RIMS2: variants seen among roughly 807,000 people sequenced by gnomAD.
RIMS2 encodes the protein regulating synaptic membrane exocytosis protein 2.
Under a neutral mutation model 174.4 loss-of-function variants are expected in RIMS2, and 59 were observed. That is an observed-to-expected ratio of 0.34 (90% CI 0.27 to 0.42). The LOEUF is 0.42. Ranked by LOEUF, RIMS2 falls within the 10% of genes least tolerant of loss-of-function variation. The pLI, the probability that RIMS2 is intolerant of heterozygous loss-of-function variation, is 1.00. For missense variants in RIMS2, 1,620 were observed against 1,666.3 expected (o/e 0.97, Z 0.48); for synonymous variants, 606 against 572.5 (o/e 1.06, Z -0.84).
intron 19 of RIMS2, among the ~76,000 whole-genome samples, chr8:104,060,206 C>T (rs2096956056): frequency 1.3e-5 from 2 of 149,520 alleles, no homozygotes; most frequent in East Asian, 2.0e-4. Context: ...GTCCTGGACT[C>T]TTTTTGGTTG....
intron 19 of RIMS2, among the ~76,000 whole-genome samples, chr8:104,129,575 T>C (rs2098458331): frequency 1.3e-5 from 2 of 152,102 alleles, no homozygotes; most frequent in African/African-American, 2.4e-5. Context: ...TGTATTATCA[T>C]AGAAGCAAAA....
In RIMS2 at chr8:103,918,429, T is replaced by A. The variant is rs560095421; in HGVS notation, c.2037-12T>A. On this transcript the variant is annotated splice_polypyrimidine_tract_variant and intron_variant, in intron 8 of 23. Coordinates refer to ENST00000504942, the Ensembl canonical transcript of RIMS2. ...CAGTTTCTGTCTTTCTTTTTTTTTTTAATCATTTCAGAGATATACCGCGAA... is the reference window on the plus strand; with the variant it reads ...CAGTTTCTGTCTTTCTTTTTTTTTTAAATCATTTCAGAGATATACCGCGAA... 78 of 1,511,462 alleles carry A rather than the reference T, an allele frequency of 5.2e-5. No homozygotes were observed. Among genetic ancestry groups the A allele is most frequent in the Admixed American group, 2.2e-4 (10 of 45,816 alleles). The allele number at this position is 1,511,462 out of a possible 1,614,324, so 93.6% of individuals were successfully genotyped here.
intron 2 of RIMS2, among the ~76,000 whole-genome samples, chr8:103,725,601 A>G (rs1332320525): frequency 1.3e-5 from 2 of 151,918 alleles, no homozygotes; most frequent in African/African-American, 2.4e-5. Context: ...ATATGCCACA[A>G]TTTGTTTATC....
At chr8:103,879,205 G>C (rs9650010) in intron 3 of RIMS2, among the ~76,000 whole-genome samples, 24,794 of 151,152 alleles carry the variant, frequency 0.16, 2,155 homozygotes, top group Middle Eastern at 0.26. Flanking sequence ...GAAAGTCTGG[G>C]GTAGATGAAT....
chr8:103,623,327 A>G (rs1326589377), intron 1 of RIMS2, among the ~76,000 whole-genome samples: 1 of 152,120 alleles, frequency 6.6e-6, no homozygotes, highest in African/African-American at 2.4e-5. Context: ...TAAAGTACAG[A>G]ACACATTTTA....
At chr8:104,041,351 A>T (rs961251325) in intron 19 of RIMS2, 2 of 695,730 alleles carry the variant, frequency 2.9e-6, no homozygotes, top group African/African-American at 3.5e-5. Flanking sequence ...CAAGGAGAAG[A>T]TATGCAGGTC....
intron 1 of RIMS2, among the ~76,000 whole-genome samples, chr8:103,599,613 AT>A (rs147252826): frequency 1.5e-4 from 23 of 150,180 alleles, no homozygotes; most frequent in African/African-American, 4.9e-4. Context: ...TAATTAATTA[AT>A]TTTTTTTGTT....
At chr8:103,504,812 A>G (rs901879862) in intron 1 of RIMS2, among the ~76,000 whole-genome samples, 2 of 148,772 alleles carry the variant, frequency 1.3e-5, no homozygotes, top group East Asian at 3.9e-4. Flanking sequence ...TTGAAATAAA[A>G]TCTTTTTTTT....
chr8:103,769,507 G>A (rs1180487668), intron 3 of RIMS2, among the ~76,000 whole-genome samples: 3 of 152,068 alleles, frequency 2.0e-5, no homozygotes, highest in Admixed American at 2.0e-4. Flanking sequence ...TGTATTTTTA[G>A]TAGAGACAGG....
At chr8:103,664,273 A>G (rs1483845166) in intron 1 of RIMS2, among the ~76,000 whole-genome samples, 1 of 152,226 alleles carries the variant, frequency 6.6e-6, no homozygotes, top group Non-Finnish European at 1.5e-5. Flanking sequence ...GCCAAAATAG[A>G]CAAATGGGAT....
intron 19 of RIMS2, among the ~76,000 whole-genome samples, chr8:104,221,925 A>G (rs2099157332): frequency 6.6e-6 from 1 of 151,940 alleles, no homozygotes; most frequent in Non-Finnish European, 1.5e-5. Context: ...ACTCACTCCA[A>G]TTGCCCTGGC....
intron 1 of RIMS2, among the ~76,000 whole-genome samples, chr8:103,589,365 A>G (rs374201063): frequency 6.6e-5 from 10 of 151,826 alleles, no homozygotes; most frequent in African/African-American, 2.4e-4. Context: ...ATGCAAATGA[A>G]AACTATAGTG....
chr8:104,153,142 C>G (rs955348609), intron 19 of RIMS2, among the ~76,000 whole-genome samples: 5 of 152,092 alleles, frequency 3.3e-5, no homozygotes, highest in Non-Finnish European at 7.4e-5. Context: ...AGTTATAACT[C>G]TCTTCTGTCA....
intron 19 of RIMS2, among the ~76,000 whole-genome samples, chr8:104,101,864 C>T (rs2097909870): frequency 6.6e-6 from 1 of 152,112 alleles, no homozygotes; most frequent in African/African-American, 2.4e-5. Context: ...CATTGCCAAT[C>T]TCTTCTTGAA....
At chr8:104,214,864 A>G (rs1352329471) in intron 19 of RIMS2, among the ~76,000 whole-genome samples, 1 of 152,238 alleles carries the variant, frequency 6.6e-6, no homozygotes, top group South Asian at 2.1e-4. Flanking sequence ...TAAGCTACAA[A>G]TAGAACTACG....
intron 4 of RIMS2, chr8:103,910,048 C>G: frequency 1.3e-6 from 1 of 765,230 alleles, no homozygotes; most frequent in Admixed American, 2.1e-5. Flanking sequence ...CAGACAGGAT[C>G]ACACAGTTTA....
chr8:104,199,769 G>A (rs759398701), intron 19 of RIMS2, among the ~76,000 whole-genome samples: 3 of 152,126 alleles, frequency 2.0e-5, no homozygotes, highest in Non-Finnish European at 4.4e-5. Flanking sequence ...AACAGGCTCC[G>A]TATATGCAAG....
chr8:103,684,194 A>G (rs2096911754), intron 1 of RIMS2, among the ~76,000 whole-genome samples: 2 of 152,216 alleles, frequency 1.3e-5, no homozygotes, highest in South Asian at 2.1e-4. Flanking sequence ...CCTTTTCCCC[A>G]AGAGGTTTCT....
intron 1 of RIMS2, among the ~76,000 whole-genome samples, chr8:103,641,223 G>C (rs1014018233): frequency 6.6e-6 from 1 of 151,976 alleles, no homozygotes; most frequent in East Asian, 1.9e-4. Flanking sequence ...ATTGCTTGGT[G>C]TTATTTATTT....
Sources: allele counts gnomAD v4.1 joint callset (sites outside exome capture counted in the v4.1 genomes callset), GRCh38; gene constraint gnomAD v4.1.1; transcripts MANE v1.5; gene names NCBI Gene and HGNC (gene_info 2026-07-23, HGNC 2026-07-21).